Variants in TNNT1 observed in about 807,000 individuals in gnomAD.
The protein encoded by TNNT1 is troponin T1, slow skeletal type.
A neutral mutation model predicts 50.6 loss-of-function variants in TNNT1; 53 were observed. The observed-to-expected ratio is 1.05, with a 90% CI of 0.84 to 1.32. TNNT1 has a LOEUF of 1.32. Among genes scored for constraint, TNNT1 ranks in the 40% most tolerant of loss-of-function variants. The pLI is 0.00. For missense variants in TNNT1, 348 were observed against 381.7 expected (o/e 0.91, Z 0.74); for synonymous variants, 142 against 138.0 (o/e 1.03, Z -0.20).
intron 11 of TNNT1, among the ~76,000 whole-genome samples, chr19:55,136,648 G>A (rs1048360475): frequency 1.5e-4 from 23 of 152,102 alleles, no homozygotes; most frequent in Non-Finnish European, 4.4e-5. Context: ...AGAAACAGGC[G>A]GGCTCCTGAA....
At chr19:55,141,406 G>C in intron 7 of TNNT1, 104 bp from the exon 8 acceptor site, 4 of 864,316 alleles carry the variant, frequency 4.6e-6, no homozygotes, top group Non-Finnish European at 5.9e-6. Context: ...TTCCCAGGAC[G>C]GTATCCAGCA....
At chr19:55,134,000 G>C in intron 12 of TNNT1, 66 bp downstream of exon 12, 3 of 1,612,708 alleles carry the variant, frequency 1.9e-6, no homozygotes, top group Non-Finnish European at 2.5e-6. Flanking sequence ...CCTGCCTGGA[G>C]TTTGCTGGTC....
chr19:55,142,231 C>T (rs552691949), intron 6 of TNNT1, among the ~76,000 whole-genome samples: 1 of 151,876 alleles, frequency 6.6e-6, no homozygotes, highest in African/African-American at 2.4e-5. Context: ...CGCCATTCTC[C>T]TGCCTCAGCC....
intron 6 of TNNT1, among the ~76,000 whole-genome samples, chr19:55,142,672 C>T (rs1324910355): frequency 2.6e-5 from 4 of 151,534 alleles, no homozygotes; most frequent in Admixed American, 6.6e-5. Flanking sequence ...CTCAGCTTCC[C>T]GAGTAGTTGG....
intron 9 of TNNT1, 37 bp downstream of exon 9, chr19:55,140,846 G>GT: frequency 6.4e-7 from 1 of 1,563,774 alleles, no homozygotes; most frequent in Non-Finnish European, 8.8e-7. Context: ...GGCTGAAGAA[G>GT]TAACATTTGG....
chr19:55,146,921 C>G (rs1312000049), intron 3 of TNNT1, 87 bp downstream of exon 3: 5 of 1,475,022 alleles, frequency 3.4e-6, no homozygotes, highest in Non-Finnish European at 4.5e-6. Flanking sequence ...CGCCCCTTCC[C>G]CGCCAAAGTG....
In TNNT1 at chr19:55,141,321, G is replaced by C. The variant is rs2085450140; in HGVS notation, c.193-19C>G. 6.2e-7 allele frequency: 1 copy of C among 1,604,294 alleles called. No individual in the cohort carries two copies. Among genetic ancestry groups the C allele is most frequent in the Non-Finnish European group, 8.5e-7 (1 of 1,171,210 alleles). Reference sequence around the variant, plus strand: ...GGATGTCCTGCAGGACACACGGGCAGCCCGTCCTAGGAGACCCTGGAGGGG... The same window carrying C: ...GGATGTCCTGCAGGACACACGGGCACCCCGTCCTAGGAGACCCTGGAGGGG... On this transcript the variant is annotated intron_variant, in intron 7 of 13. Transcript: ENST00000588981.
rs1054686337 is a variant in TNNT1 at position 55,132,716 on chromosome 19, T to C, written c.*199A>G. ...CAGTGTGTGAAGGTTCAGCCTGCCGTACTTTAATGATTATTGGTGACACTC... is the reference window on the plus strand; with the variant it reads ...CAGTGTGTGAAGGTTCAGCCTGCCGCACTTTAATGATTATTGGTGACACTC... On this transcript the variant is annotated 3_prime_UTR_variant, in exon 14 of 14. Coordinates refer to ENST00000588981, the MANE Select transcript of TNNT1 (RefSeq NM_003283.6). 1.9e-5 allele frequency: 12 copies of C among 624,310 alleles called. No homozygotes were observed. In the East Asian group the frequency reaches 1.9e-4, roughly 10 times the overall value. 38.7% of individuals were successfully genotyped at this position (624,310 alleles called of 1,614,324 possible).
Position 55,146,717 on chromosome 19 carries a change from G to C in TNNT1, c.47-10C>G, listed in dbSNP as rs1227084316. The stretch of plus-strand genomic sequence containing the variant: ...TCCTCCGCAGCCTCCTCTGGAGATG[G>C]GGGCACAGAAGAGAAGGCGTTAGGA... On this transcript the variant is annotated splice_polypyrimidine_tract_variant and intron_variant, in intron 3 of 13. Transcript: ENST00000588981. 3 of 1,506,058 alleles carry C rather than the reference G, an allele frequency of 2.0e-6. No individual in the cohort carries two copies. Among genetic ancestry groups the C allele is most frequent in the South Asian group, 2.7e-5 (2 of 74,640 alleles). 93.3% of individuals were successfully genotyped at this position (1,506,058 alleles called of 1,614,324 possible).
intron 6 of TNNT1, among the ~76,000 whole-genome samples, chr19:55,143,953 A>G (rs1034025798): frequency 6.6e-5 from 10 of 151,942 alleles, no homozygotes; most frequent in Non-Finnish European, 1.2e-4. Flanking sequence ...TTTGTTCCCC[A>G]GCCCAGAGAC....
At chr19:55,133,994 C>A in intron 12 of TNNT1, 67 bp from the exon 13 acceptor site, 1 of 1,612,856 alleles carries the variant, frequency 6.2e-7, no homozygotes, top group South Asian at 1.1e-5. Context: ...CCCACCCCTG[C>A]CTGGAGTTTG....
At chr19:55,144,384 TTATTTA>T (rs2085510636) in intron 6 of TNNT1, among the ~76,000 whole-genome samples, 1 of 151,912 alleles carries the variant, frequency 6.6e-6, no homozygotes. Flanking sequence ...TCCCTTATTT[TTATTTA>T]TGTTTTAGAG....
chr19:55,139,068 C>G (rs1437218437), intron 9 of TNNT1, among the ~76,000 whole-genome samples: 2 of 152,084 alleles, frequency 1.3e-5, no homozygotes, highest in African/African-American at 4.8e-5. Context: ...AATCTCTGCT[C>G]TGTTCACTGC....
chr19:55,141,774 C>G, intron 7 of TNNT1, 83 bp downstream of exon 7: 1 of 1,545,814 alleles, frequency 6.5e-7, no homozygotes, highest in South Asian at 1.1e-5. Flanking sequence ...GGCCCCGCGC[C>G]CGGCCGGCGC....
At chr19:55,142,266 G>A (rs1441054438) in intron 6 of TNNT1, among the ~76,000 whole-genome samples, 7 of 151,048 alleles carry the variant, frequency 4.6e-5, no homozygotes, top group East Asian at 2.0e-4. Context: ...GACTACAGGC[G>A]CCCACCACCA....
chr19:55,136,427 G>T (rs1274176271), intron 11 of TNNT1, among the ~76,000 whole-genome samples: 1 of 152,170 alleles, frequency 6.6e-6, no homozygotes, highest in Non-Finnish European at 1.5e-5. Context: ...TCACAGCTCT[G>T]TGAGGTCAAT....
chr19:55,134,965 A>T (rs1296617673), intron 11 of TNNT1, among the ~76,000 whole-genome samples: 6 of 151,828 alleles, frequency 4.0e-5, no homozygotes, highest in Non-Finnish European at 8.8e-5. Context: ...ATGTCACATG[A>T]CTTCCTTTAG....
chr19:55,146,440 C>G lies in TNNT1; in HGVS notation c.100G>C (p.Glu34Gln), dbSNP rs1296655537. The G allele has an allele frequency of 7.4e-7, 1 of 1,356,728 alleles. No homozygotes were observed. The highest frequency in any genetic ancestry group is 9.6e-7 in the Non-Finnish European group (1 of 1,046,482). The allele number at this position is 1,356,728 out of a possible 1,614,324, so 84.0% of individuals were successfully genotyped here. ...GCGAAGCAGCCGCGGTTACCTGGCT[C>G]TGCCACCGGCTCCGGCTCTTCGGGG... is the stretch of plus-strand genomic sequence containing the variant. ...EAPEEPEPVA[E>Q]PEEERPKPSR... Residue 34 changes from glutamate (E) to glutamine (Q), a missense_variant, in exon 5 of 14, where the codon GAG becomes CAG. This residue lies in a region of TNNT1 where 90 missense variants were observed against 70.8 expected (regional missense o/e 1.27). Coordinates refer to ENST00000588981, the MANE Select transcript of TNNT1 (RefSeq NM_003283.6).
intron 11 of TNNT1, 82 bp from the exon 12 acceptor site, chr19:55,134,286 A>G (rs932579799): frequency 1.5e-6 from 2 of 1,369,646 alleles, no homozygotes; most frequent in Non-Finnish European, 2.0e-6. Flanking sequence ...CTGTGAGTTC[A>G]GCGTTGTCGG....
Sources: gnomAD v4.1 joint callset for allele counts (sites outside exome capture counted in the v4.1 genomes callset) on GRCh38, gnomAD v4.1.1 for gene constraint, gnomAD v4.1.1 regional missense constraint, MANE v1.5 for transcripts, NCBI Gene and HGNC (gene_info 2026-07-23, HGNC 2026-07-21) for gene names.